The following CCDC57 variants were observed in gnomAD, a reference collection of about 807,000 sequenced individuals.
CCDC57 encodes coiled-coil domain containing 57.
CCDC57 carries 118 observed loss-of-function variants against 118.9 expected under a neutral mutation model. The ratio of observed to expected loss-of-function variants is 0.99; its 90% CI spans 0.86 to 1.16. The LOEUF (loss-of-function observed/expected upper bound fraction) is 1.16. CCDC57 is among the 50% of genes most tolerant of loss of function. The pLI, the probability that CCDC57 is intolerant of heterozygous loss-of-function variation, is 0.00. For synonymous variants in CCDC57, 527 were observed against 532.9 expected (o/e 0.99, Z 0.15); for missense variants, 1,300 against 1,320.7 (o/e 0.98, Z 0.24).
chr17:82,165,836 G>T (rs1231849537), intron 13 of CCDC57, among the ~76,000 whole-genome samples: 1 of 152,172 alleles, frequency 6.6e-6, no homozygotes, highest in African/African-American at 2.4e-5. Context: ...GCATCATCAA[G>T]GCTCTGGAAA....
rs143807839 is a variant in CCDC57, at chr17:82,159,565, T to C, written c.2041-1617A>G. ...AGGCATCAGCAGAAAATGAGAGGTA[T>C]GAGGGTAACGCACATGTTAATTAGC... On this transcript the variant is annotated intron_variant, in intron 14 of 19. Transcript: ENST00000665763. Among the ~76,000 whole-genome samples, 639 of 152,312 alleles carry C rather than the reference T, an allele frequency of 4.2e-3. 4 individuals are homozygous for C. The highest frequency in any genetic ancestry group is 0.011 in the South Asian group (52 of 4,826).
intron 16 of CCDC57, among the ~76,000 whole-genome samples, chr17:82,139,174 C>T (rs1363343633): frequency 2.0e-5 from 3 of 152,176 alleles, no homozygotes; most frequent in East Asian, 1.9e-4. Context: ...ACAGCGTCAA[C>T]GTCTTGGATT....
chr17:82,116,869 C>A (rs528246505), intron 19 of CCDC57, among the ~76,000 whole-genome samples: 15 of 152,358 alleles, frequency 9.8e-5, no homozygotes, highest in African/African-American at 2.9e-4. Context: ...TAGGTCCCCC[C>A]ACAGCAGGGC....
rs1320291261 is a variant in CCDC57 at position 82,172,738 on chromosome 17, C to G, written c.1629G>C (p.Glu543Asp). 5 of 1,604,968 alleles carry G rather than the reference C, an allele frequency of 3.1e-6. No homozygotes were observed. Among genetic ancestry groups the G allele is most frequent in the Non-Finnish European group, 4.3e-6 (5 of 1,175,882 alleles). Residue 543 changes from glutamate to aspartate, a missense_variant, in exon 12 of 20, where the codon GAG becomes GAC. By Grantham distance (45) the Glu-to-Asp change is conservative. Transcript: ENST00000665763. The surrounding 1 kb of genome is among the most constrained non-coding windows in gnomAD (Gnocchi z 5.2). ...GAGGAGGAATCTGATGGCTTAGAGC[C>G]TCCATTTCTTTCCTCATCTGGGCAA...
chr17:82,177,974 C>T (rs1568374540), intron 11 of CCDC57, among the ~76,000 whole-genome samples: 1 of 152,240 alleles, frequency 6.6e-6, no homozygotes, highest in Non-Finnish European at 1.5e-5. Context: ...CAGCTCTGCT[C>T]TGATGAGCTG....
intron 8 of CCDC57, among the ~76,000 whole-genome samples, chr17:82,187,257 T>A (rs1487166091): frequency 3.6e-4 from 43 of 118,644 alleles, no homozygotes; most frequent in African/African-American, 5.7e-4. Flanking sequence ...AAAAAAAAAG[T>A]CAAGATGAAA....
exon 18 of CCDC57, chr17:82,128,510 C>T (rs7406162): frequency 0.55 from 854,922 of 1,554,928 alleles, 243,839 homozygotes; most frequent in Non-Finnish European, 0.59. Context: ...CCTTGCAGGG[C>T]GTCAAGTCTG....
At chr17:82,206,371 C>T (rs1285121767) in intron 2 of CCDC57, among the ~76,000 whole-genome samples, 6 of 152,208 alleles carry the variant, frequency 3.9e-5, no homozygotes, top group East Asian at 3.8e-4. Flanking sequence ...CAATGTTGGG[C>T]GTGTCAGGCC....
At position 82,201,698 on chromosome 17, in the gene CCDC57, C is replaced by A. The variant is rs2049016123; in HGVS notation, c.247G>T (p.Glu83Ter). 1.2e-6 allele frequency: 2 copies of A among 1,613,702 alleles called. No individual in the cohort carries two copies. Among genetic ancestry groups the A allele is most frequent in the Non-Finnish European group, 1.7e-6 (2 of 1,179,618 alleles). ...TCTGCCCGCCTGGCCTCTTCCCACTCCCTGGCCTGGGCGAAGGCGGCGTCA... is the reference window on the plus strand; with the variant it reads ...TCTGCCCGCCTGGCCTCTTCCCACTACCTGGCCTGGGCGAAGGCGGCGTCA... The change falls in exon 3 of 20, where the codon GAG (glutamate) becomes TAG (stop). Residue 83 changes from glutamate (E) to a stop codon, truncating the protein, a stop_gained. Transcript: ENST00000665763. LOFTEE classifies it high-confidence loss of function.
At chr17:82,167,501 C>T (rs1473467355) in intron 13 of CCDC57, among the ~76,000 whole-genome samples, 1 of 152,146 alleles carries the variant, frequency 6.6e-6, no homozygotes, top group Non-Finnish European at 1.5e-5. Context: ...CAGGTGTCCA[C>T]CACCATGCCC....
chr17:82,202,061 T>C, intron 2 of CCDC57, 109 bp from the exon 2 acceptor site: 1 of 1,135,266 alleles, frequency 8.8e-7, no homozygotes, highest in Non-Finnish European at 1.2e-6. Flanking sequence ...CCGGGCACGG[T>C]GGCTCACACC....
intron 15 of CCDC57, 27 bp from the exon 15 acceptor site, chr17:82,151,800 C>G (rs761621230): frequency 2.0e-6 from 3 of 1,535,768 alleles, no homozygotes; most frequent in South Asian, 2.4e-5. Flanking sequence ...AGGCAGACAC[C>G]CCTGTGAGGC....
At chr17:82,161,170 C>T (rs781119503) in intron 14 of CCDC57, among the ~76,000 whole-genome samples, 6 of 152,192 alleles carry the variant, frequency 3.9e-5, no homozygotes, top group Admixed American at 1.3e-4. Context: ...ACTTCACTCC[C>T]ACCAGGATGC....
Position 82,188,212 on chromosome 17 carries a change from C to G in CCDC57, c.1052+7G>C. 6.5e-7 allele frequency: 1 copy of G among 1,542,118 alleles called. No individual in the cohort carries two copies. The highest frequency in any genetic ancestry group is 2.1e-4 in the Middle Eastern group (1 of 4,702). ...CACCCTCTGGGTGGAGCCAAGCACA[C>G]GCTCACTGGTCAATGGCAGCGTCCT... On this transcript the variant is annotated splice_region_variant and intron_variant, in intron 8 of 19. Coordinates refer to ENST00000665763, the Ensembl canonical transcript of CCDC57.
At chr17:82,134,742 C>T (rs4789749) in intron 16 of CCDC57, among the ~76,000 whole-genome samples, 1 of 151,840 alleles carries the variant, frequency 6.6e-6, no homozygotes, top group African/African-American at 2.4e-5. Context: ...TGCAGCGAGC[C>T]GAGATCATGC....
chr17:82,211,196 G>C (rs150570512), intron 1 of CCDC57, among the ~76,000 whole-genome samples: 9 of 152,080 alleles, frequency 5.9e-5, no homozygotes, highest in Non-Finnish European at 1.0e-4. Flanking sequence ...CCTGTGTCTC[G>C]TAAGACGCTG....
chr17:82,206,117 G>T lies in CCDC57; in HGVS notation c.-9+1730C>A, dbSNP rs973311455. ...GCGGCAGGAGAAGCCGCCGGGGAGGGAAGGCCTCGCTGTGCGTTCACCCTC... is the reference window on the plus strand; with the variant it reads ...GCGGCAGGAGAAGCCGCCGGGGAGGTAAGGCCTCGCTGTGCGTTCACCCTC... On this transcript the variant is annotated intron_variant, in intron 2 of 19. Transcript: ENST00000665763. 1.5e-4 allele frequency among the ~76,000 whole-genome samples: 23 copies of T among 152,372 alleles called. 1 individual carries two copies. Among genetic ancestry groups the T allele is most frequent in the African/African-American group, 4.6e-4 (19 of 41,594 alleles).
intron 2 of CCDC57, among the ~76,000 whole-genome samples, 153 bp from the exon 2 acceptor site, chr17:82,202,105 C>T (rs1020571548): frequency 2.9e-4 from 44 of 151,532 alleles, no homozygotes; most frequent in Admixed American, 5.9e-4. Context: ...CCGAGGCAGG[C>T]GGATCACCTG....
intron 16 of CCDC57, among the ~76,000 whole-genome samples, chr17:82,137,297 C>T (rs1263817519): frequency 4.0e-5 from 6 of 151,720 alleles, no homozygotes; most frequent in Middle Eastern, 3.5e-3. Context: ...CTGGGATTAC[C>T]GGCGTGAGCC....
Sources: allele counts gnomAD v4.1 joint callset (sites outside exome capture counted in the v4.1 genomes callset), GRCh38; gene constraint gnomAD v4.1.1; non-coding constraint Gnocchi (gnomAD v3.1); transcripts MANE v1.5; gene names NCBI Gene and HGNC (gene_info 2026-07-23, HGNC 2026-07-21).